The following TRPM1 variants were observed in gnomAD, a reference collection of about 807,000 sequenced individuals.
The protein encoded by TRPM1 is transient receptor potential cation channel subfamily M member 1.
A neutral mutation model predicts 149.4 loss-of-function variants in TRPM1; 113 were observed. That is an observed-to-expected ratio of 0.76 (90% CI 0.65 to 0.88). TRPM1 has a LOEUF of 0.88. Ranked by LOEUF, TRPM1 falls within the 40% of genes least tolerant of loss-of-function variation. TRPM1 has a pLI of 0.00. For synonymous variants in TRPM1, 741 were observed against 759.5 expected, an observed-to-expected ratio of 0.98 and a Z score of 0.40; for missense variants, 1,976 against 2,038.7, an observed-to-expected ratio of 0.97 and a Z score of 0.59.
chr15:31,081,654 C>T (rs778155577), intron 1 of TRPM1, among the ~76,000 whole-genome samples: 50 of 152,096 alleles, frequency 3.3e-4, no homozygotes, highest in Non-Finnish European at 6.6e-4. Flanking sequence ...TCCCCAACCT[C>T]GCACCAAAGC....
At chr15:31,098,900 G>A (rs982211344) in intron 1 of TRPM1, among the ~76,000 whole-genome samples, 4 of 152,120 alleles carry the variant, frequency 2.6e-5, no homozygotes, top group African/African-American at 9.7e-5. Context: ...ACAGCGACAA[G>A]GTCTCAGCAG....
chr15:31,090,599 T>C (rs2035209122), intron 1 of TRPM1, among the ~76,000 whole-genome samples: 1 of 151,248 alleles, frequency 6.6e-6, no homozygotes, highest in Non-Finnish European at 1.5e-5. Flanking sequence ...ATTGTGCCAC[T>C]GCACTCTAGC....
chr15:31,079,331 C>A lies in TRPM1; in HGVS notation c.3+2022G>T, dbSNP rs186528133. Among the ~76,000 whole-genome samples the A allele has an allele frequency of 1.6e-4, 24 of 151,938 alleles. No individual in the cohort carries two copies. In the East Asian group the frequency reaches 3.9e-3, roughly 24 times the overall value. Reference sequence around the variant, plus strand: ...AGCTGGGTGCTTCTGACTCTGGTTTCTCACAAGGATTTGACTGAGCTATGG... The same window carrying A: ...AGCTGGGTGCTTCTGACTCTGGTTTATCACAAGGATTTGACTGAGCTATGG... On this transcript the variant is annotated intron_variant, in intron 2 of 27. Transcript: ENST00000256552.
chr15:31,079,867 CG>C (rs1567039796), intron 2 of TRPM1, among the ~76,000 whole-genome samples: 1 of 151,960 alleles, frequency 6.6e-6, no homozygotes, highest in East Asian at 1.9e-4. Context: ...AGGGCTGGGG[CG>C]GGGAAGTATA....
At chr15:31,151,349 A>G (rs1210327436) in intron 1 of TRPM1, among the ~76,000 whole-genome samples, 3 of 152,156 alleles carry the variant, frequency 2.0e-5, no homozygotes, top group African/African-American at 7.2e-5. Context: ...CAGGCCAACT[A>G]AACAAAGCGG....
chr15:31,008,939 C>T (rs565591758), intron 27 of TRPM1, among the ~76,000 whole-genome samples: 2 of 152,238 alleles, frequency 1.3e-5, no homozygotes, highest in East Asian at 3.9e-4. Context: ...GTCAAATATA[C>T]TTTAAAGAAC....
intron 1 of TRPM1, among the ~76,000 whole-genome samples, chr15:31,145,925 A>T (rs766481180): frequency 6.6e-6 from 1 of 152,020 alleles, no homozygotes; most frequent in Non-Finnish European, 1.5e-5. Context: ...GATACAAAAA[A>T]AAAACAAAAA....
chr15:31,037,095 C>T (rs1042098924), intron 20 of TRPM1, among the ~76,000 whole-genome samples: 3 of 152,256 alleles, frequency 2.0e-5, no homozygotes, highest in Admixed American at 1.3e-4. Flanking sequence ...GCCTGCAGCT[C>T]GGCCATTTCC....
intron 1 of TRPM1, among the ~76,000 whole-genome samples, chr15:31,112,029 T>C (rs1369425753): frequency 1.3e-5 from 2 of 152,164 alleles, no homozygotes; most frequent in Non-Finnish European, 2.9e-5. Context: ...AAAAAATCTT[T>C]GGAAAAGTCT....
At chr15:31,066,596 T>C (rs2034382754) in intron 6 of TRPM1, among the ~76,000 whole-genome samples, 1 of 152,104 alleles carries the variant, frequency 6.6e-6, no homozygotes. Context: ...TGCCTCCATA[T>C]CATGGGATGT....
chr15:31,161,122 T>C lies in TRPM1; in HGVS notation c.-163A>G, dbSNP rs116325320. The C allele has an allele frequency of 1.2e-3, 843 of 682,668 alleles. 2 individuals are homozygous for C. The African/African-American group carries it at 0.014, about 11-fold the overall frequency. 42.3% of individuals were successfully genotyped at this position (682,668 alleles called of 1,614,324 possible). ...GCACTGGGCGAGGGGGCCGAGATCC[T>C]GGGGCGAGGCCGGCCGGAGGCTGGT... On this transcript the variant is annotated 5_prime_UTR_variant, in exon 1 of 27. Transcript: ENST00000542188.
At chr15:31,074,559 A>G (rs2034643826) in intron 3 of TRPM1, among the ~76,000 whole-genome samples, 1 of 152,068 alleles carries the variant, frequency 6.6e-6, no homozygotes, top group African/African-American at 2.4e-5. Flanking sequence ...GAGTCTAGTC[A>G]TTTGAGTCTT....
At chr15:31,143,911 C>A (rs1305915319) in intron 1 of TRPM1, among the ~76,000 whole-genome samples, 1 of 152,044 alleles carries the variant, frequency 6.6e-6, no homozygotes, top group African/African-American at 2.4e-5. Flanking sequence ...TGCATAACTT[C>A]AATAATAATT....
At chr15:31,130,533 C>A (rs546753277) in intron 1 of TRPM1, among the ~76,000 whole-genome samples, 55 of 152,332 alleles carry the variant, frequency 3.6e-4, no homozygotes, top group African/African-American at 1.3e-3. Context: ...AAATAAGGTT[C>A]AGGAGTCATG....
At chr15:31,135,513 G>A (rs2036076533) in intron 1 of TRPM1, among the ~76,000 whole-genome samples, 1 of 152,098 alleles carries the variant, frequency 6.6e-6, no homozygotes, top group African/African-American at 2.4e-5. Context: ...ATGCAAGATA[G>A]AATTAGATCT....
At chr15:31,053,268 G>C (rs1197428145) in intron 11 of TRPM1, among the ~76,000 whole-genome samples, 1 of 151,532 alleles carries the variant, frequency 6.6e-6, no homozygotes, top group Admixed American at 6.6e-5. Flanking sequence ...CCTTTTATTT[G>C]AGATGGAGTT....
chr15:31,040,056 A>C lies in TRPM1; in HGVS notation c.2316+62T>G, dbSNP rs2033558629. On this transcript the variant is annotated intron_variant, in intron 18 of 27. Coordinates refer to ENST00000256552, the MANE Select transcript of TRPM1 (RefSeq NM_001252024.2). The surrounding 1 kb of genome is among the most constrained non-coding windows in gnomAD (Gnocchi z 4.2). ...ATAAGCCACAGAAAGTGCTCAGTTC[A>C]GCCTGGCAGAGAGTCACTTGTCACT... 1 of 1,471,700 alleles carries C rather than the reference A, an allele frequency of 6.8e-7. No homozygotes were observed. Among genetic ancestry groups the C allele is most frequent in the East Asian group, 2.3e-5 (1 of 44,220 alleles). 91.2% of individuals were successfully genotyped at this position (1,471,700 alleles called of 1,614,324 possible).
intron 11 of TRPM1, among the ~76,000 whole-genome samples, chr15:31,056,230 A>G (rs1170908077): frequency 1.3e-5 from 2 of 152,228 alleles, no homozygotes; most frequent in Non-Finnish European, 2.9e-5. Flanking sequence ...GAAGGGAAAG[A>G]GATAATAAAG....
intron 13 of TRPM1, among the ~76,000 whole-genome samples, 185 bp from the exon 14 acceptor site, chr15:31,048,124 G>A (rs781129462): frequency 4.6e-5 from 7 of 152,170 alleles, no homozygotes; most frequent in South Asian, 2.1e-4. Flanking sequence ...TTAGCTGGGC[G>A]TGGTGGTGGG....
Sources: allele counts gnomAD v4.1 joint callset (sites outside exome capture counted in the v4.1 genomes callset), GRCh38; gene constraint gnomAD v4.1.1; non-coding constraint Gnocchi (gnomAD v3.1); transcripts MANE v1.5; gene names NCBI Gene and HGNC (gene_info 2026-07-23, HGNC 2026-07-21).